The following TRAK2 variants were observed in gnomAD, a reference collection of about 807,000 sequenced individuals.
TRAK2 encodes the protein trafficking kinesin protein 2.
A neutral mutation model predicts 104.6 loss-of-function variants in TRAK2; 81 were observed. The observed-to-expected ratio is 0.77, with a 90% CI of 0.65 to 0.93. TRAK2 has a LOEUF of 0.93. TRAK2 is among the 40% of genes least tolerant of loss of function. The pLI is 0.00. For missense variants in TRAK2, 1,002 were observed against 1,089.0 expected, an observed-to-expected ratio of 0.92 and a Z score of 1.12; for synonymous variants, 406 against 394.4, an observed-to-expected ratio of 1.03 and a Z score of -0.35.
At position 201,389,476 on chromosome 2, in the gene TRAK2, G is replaced by T; in HGVS notation, c.1221C>A (p.Thr407=). 1.9e-6 allele frequency: 3 copies of T among 1,614,040 alleles called. No individual in the cohort carries two copies. The highest frequency in any genetic ancestry group is 2.5e-6 in the Non-Finnish European group (3 of 1,180,022). The part of the protein sequence containing the change: ...QKAQQKRVFD[T]VRIANDTRGR... Reference sequence around the variant, plus strand: ...CCCGTGTGTCATTGGCAATCCTGACGGTATCAAATACCCGCTTCTGTTGGG... The same window carrying T: ...CCCGTGTGTCATTGGCAATCCTGACTGTATCAAATACCCGCTTCTGTTGGG... Residue 407 remains threonine (T), a synonymous_variant, in exon 12 of 16, where the codon ACC becomes ACA. Transcript: ENST00000332624.
chr2:201,419,421 C>T (rs1951720862), intron 2 of TRAK2: 1 of 154,782 alleles, frequency 6.5e-6, no homozygotes, highest in African/African-American at 2.4e-5. Flanking sequence ...ATACTTATCA[C>T]AAGTGGATAA....
chr2:201,427,555 T>C (rs1951800669), intron 1 of TRAK2, among the ~76,000 whole-genome samples: 4 of 152,368 alleles, frequency 2.6e-5, no homozygotes, highest in South Asian at 4.1e-4. Context: ...CCACATTTTC[T>C]TAATCCAGTC....
chr2:201,412,789 A>C, intron 2 of TRAK2: 1 of 1,109,462 alleles, frequency 9.0e-7, no homozygotes, highest in East Asian at 2.4e-5. Context: ...ATTTCCATGT[A>C]CCATTTTCAC....
chr2:201,406,923 T>C (rs1951599570), intron 3 of TRAK2, among the ~76,000 whole-genome samples: 1 of 152,186 alleles, frequency 6.6e-6, no homozygotes, highest in African/African-American at 2.4e-5. Context: ...ATATAGGGTA[T>C]ATTTATTTCT....
chr2:201,439,500 T>TG (rs1951902893), intron 1 of TRAK2, among the ~76,000 whole-genome samples: 1 of 151,490 alleles, frequency 6.6e-6, no homozygotes, highest in African/African-American at 2.4e-5. Flanking sequence ...TAAACTGCCA[T>TG]GGGAGGAAAA....
chr2:201,411,974 A>G (rs1951651147), intron 2 of TRAK2: 1 of 949,114 alleles, frequency 1.1e-6, no homozygotes, highest in African/African-American at 1.6e-5. Flanking sequence ...AACCATGGGT[A>G]GAACACTGTT....
rs1431374200 is a variant in TRAK2 at position 201,379,217 on chromosome 2, C to T, written c.*1326G>A. 1 of 152,138 alleles carries T rather than the reference C, an allele frequency of 6.6e-6. No homozygotes were observed. Among genetic ancestry groups the T allele is most frequent in the Non-Finnish European group, 1.5e-5 (1 of 68,022 alleles). The allele number at this position is 152,138 out of a possible 1,614,324, so 9.4% of individuals were successfully genotyped here. On this transcript the variant is annotated 3_prime_UTR_variant, in exon 16 of 16. Coordinates refer to ENST00000332624, the MANE Select transcript of TRAK2 (RefSeq NM_015049.3). ...TCAGCAACATTGAGAAAAAACAGAT[C>T]TACTTCTTTCCATTTCTTAGCCTGT...
intron 1 of TRAK2, among the ~76,000 whole-genome samples, chr2:201,436,307 C>T (rs1211565581): frequency 6.6e-6 from 1 of 152,058 alleles, no homozygotes; most frequent in Non-Finnish European, 1.5e-5. Context: ...AAAATATGTA[C>T]TGTACTTCTA....
At chr2:201,408,127 A>G (rs1951612769) in intron 2 of TRAK2, among the ~76,000 whole-genome samples, 2 of 152,172 alleles carry the variant, frequency 1.3e-5, no homozygotes, top group African/African-American at 2.4e-5. Flanking sequence ...GTTAACTAAC[A>G]TCTCCTGATC....
chr2:201,380,367 C>T lies in TRAK2; in HGVS notation c.*176G>A, dbSNP rs930811232. 4.0e-5 allele frequency: 27 copies of T among 677,108 alleles called. No homozygotes were observed. Among genetic ancestry groups the T allele is most frequent in the Non-Finnish European group, 4.5e-5 (18 of 404,004 alleles). The allele number at this position is 677,108 out of a possible 1,614,324, so 41.9% of individuals were successfully genotyped here. A position where few individuals can be genotyped will look rare whatever the true frequency, so the allele number is the denominator to read the frequency against. ...CATTCATTTATACTTTCAATTTGCCCGACTTCCTCCATTAGGGCTCATCCC... is the reference window on the plus strand; with the variant it reads ...CATTCATTTATACTTTCAATTTGCCTGACTTCCTCCATTAGGGCTCATCCC... On this transcript the variant is annotated 3_prime_UTR_variant, in exon 16 of 16. Coordinates refer to ENST00000332624, the MANE Select transcript of TRAK2 (RefSeq NM_015049.3).
intron 7 of TRAK2, among the ~76,000 whole-genome samples, chr2:201,396,937 C>A (rs574408442): frequency 6.6e-6 from 1 of 152,254 alleles, no homozygotes; most frequent in East Asian, 1.9e-4. Flanking sequence ...TTAACAGAAA[C>A]AATGAGAAGT....
chr2:201,382,764 AC>A (rs1218791505), intron 15 of TRAK2, among the ~76,000 whole-genome samples: 3 of 152,212 alleles, frequency 2.0e-5, no homozygotes, highest in Admixed American at 2.0e-4. Flanking sequence ...TATTTTATAG[AC>A]ATGGTGGATC....
chr2:201,384,242 T>C (rs1951368860), intron 14 of TRAK2, 26 bp from the exon 15 acceptor site: 1 of 1,544,178 alleles, frequency 6.5e-7, no homozygotes, highest in African/African-American at 1.4e-5. Flanking sequence ...AGGGAGCAAA[T>C]ACAAGATTGA....
chr2:201,393,226 C>G (rs1037260629), intron 9 of TRAK2, among the ~76,000 whole-genome samples, 180 bp from the exon 10 acceptor site: 3 of 152,024 alleles, frequency 2.0e-5, no homozygotes, highest in Non-Finnish European at 4.4e-5. Flanking sequence ...ATATATTGAG[C>G]TACCAGAATT....
At position 201,397,541 on chromosome 2, in the gene TRAK2, T is replaced by C. The variant is rs1951512774; in HGVS notation, c.730A>G (p.Lys244Glu). Residue 244 changes from lysine (K) to glutamate (E), a missense_variant, in exon 7 of 16, where the codon AAG (lysine) becomes GAG (glutamate). Coordinates refer to ENST00000332624, the MANE Select transcript of TRAK2 (RefSeq NM_015049.3). ...IKTETVTYEEKEQQLVSDCVK... is the reference protein window; with the variant it reads ...IKTETVTYEEEEQQLVSDCVK... Reference sequence around the variant, plus strand: ...CAGTCGCTGACAAGCTGTTGTTCCTTTTCTTCATAGGTAACAGTTTCTGTC... The same window carrying C: ...CAGTCGCTGACAAGCTGTTGTTCCTCTTCTTCATAGGTAACAGTTTCTGTC... The C allele has an allele frequency of 1.2e-6, 2 of 1,613,004 alleles. No homozygotes were observed. The highest frequency in any genetic ancestry group is 1.7e-6 in the Non-Finnish European group (2 of 1,179,284).
chr2:201,406,392 C>A (rs891892216), intron 3 of TRAK2, among the ~76,000 whole-genome samples: 3 of 152,136 alleles, frequency 2.0e-5, no homozygotes, highest in Non-Finnish European at 4.4e-5. Flanking sequence ...ACAACACTCA[C>A]TGGGCTTCTT....
intron 1 of TRAK2, among the ~76,000 whole-genome samples, chr2:201,428,139 G>A (rs1384408202): frequency 6.6e-6 from 1 of 152,000 alleles, no homozygotes; most frequent in Non-Finnish European, 1.5e-5. Context: ...TCTGATGGTA[G>A]GTTCTTTTGC....
chr2:201,386,811 C>T (rs78404560), intron 13 of TRAK2, among the ~76,000 whole-genome samples: 1,751 of 152,180 alleles, frequency 0.012, 15 homozygotes, highest in Non-Finnish European at 0.013. Flanking sequence ...GCTGTATTTT[C>T]CCAGGTGACA....
At chr2:201,436,188 T>C (rs549914732) in intron 1 of TRAK2, among the ~76,000 whole-genome samples, 143 of 152,254 alleles carry the variant, frequency 9.4e-4, no homozygotes, top group African/African-American at 3.3e-3. Context: ...AAATGAGGAA[T>C]GCAGAGTAAA....
Sources: allele counts gnomAD v4.1 joint callset (sites outside exome capture counted in the v4.1 genomes callset), GRCh38; gene constraint gnomAD v4.1.1; transcripts MANE v1.5; gene names NCBI Gene and HGNC (gene_info 2026-07-23, HGNC 2026-07-21).